Variants in SKAP1 observed in about 807,000 individuals in gnomAD.
SKAP1 encodes src kinase associated phosphoprotein 1.
A neutral mutation model predicts 58.5 loss-of-function variants in SKAP1; 44 were observed. The ratio of observed to expected loss-of-function variants is 0.75; its 90% CI spans 0.59 to 0.97. The LOEUF (loss-of-function observed/expected upper bound fraction) is 0.97, where lower values mean the gene tolerates loss of function less well. Among genes scored for constraint, SKAP1 ranks in the 50% least tolerant of loss-of-function variants. The pLI is 0.00. For missense variants in SKAP1, 390 were observed against 435.2 expected, an observed-to-expected ratio of 0.90 and a Z score of 0.92; for synonymous variants, 127 against 149.7, an observed-to-expected ratio of 0.85 and a Z score of 1.11.
At chr17:48,298,454 T>C (rs912288737) in intron 4 of SKAP1, among the ~76,000 whole-genome samples, 18 of 152,210 alleles carry the variant, frequency 1.2e-4, no homozygotes, top group African/African-American at 4.1e-4. Context: ...GAGTTTAGAA[T>C]AAGTTTCAGA....
intron 2 of SKAP1, 68 bp from the exon 3 acceptor site, chr17:48,363,882 C>G (rs1320480945): frequency 1.5e-6 from 2 of 1,366,274 alleles, no homozygotes; most frequent in Non-Finnish European, 1.0e-6. Flanking sequence ...GGTTGGCCTA[C>G]CATAGCTATA....
intron 4 of SKAP1, among the ~76,000 whole-genome samples, chr17:48,289,148 T>G (rs921179450): frequency 2.0e-5 from 3 of 152,144 alleles, no homozygotes; most frequent in Admixed American, 1.3e-4. Flanking sequence ...AGTAGGAATG[T>G]TTATCTATTC....
At chr17:48,290,646 G>GCC (rs67116967) in intron 4 of SKAP1, among the ~76,000 whole-genome samples, 1 of 151,746 alleles carries the variant, frequency 6.6e-6, no homozygotes, top group Non-Finnish European at 1.5e-5. Context: ...TTCATTTATT[G>GCC]CCCCCTGAGG....
At chr17:48,311,743 T>C (rs1051945818) in intron 4 of SKAP1, among the ~76,000 whole-genome samples, 3 of 152,200 alleles carry the variant, frequency 2.0e-5, no homozygotes, top group African/African-American at 7.2e-5. Context: ...GGCCTGGTTA[T>C]TCCAAAATAG....
intron 4 of SKAP1, among the ~76,000 whole-genome samples, chr17:48,290,627 T>C (rs2065887816): frequency 7.0e-6 from 1 of 143,824 alleles, no homozygotes; most frequent in South Asian, 2.1e-4. Context: ...TTACATTACA[T>C]CATGTCATTT....
At chr17:48,311,123 C>T (rs1395370370) in intron 4 of SKAP1, among the ~76,000 whole-genome samples, 1 of 152,092 alleles carries the variant, frequency 6.6e-6, no homozygotes, top group Non-Finnish European at 1.5e-5. Context: ...TGCATACAGG[C>T]GGAGTCTCAC....
At chr17:48,426,380 G>T (rs2067853704) in intron 1 of SKAP1, among the ~76,000 whole-genome samples, 1 of 152,156 alleles carries the variant, frequency 6.6e-6, no homozygotes, top group Non-Finnish European at 1.5e-5. Context: ...CAGCTACCAG[G>T]GTAATGTCAG....
intron 3 of SKAP1, among the ~76,000 whole-genome samples, chr17:48,348,253 G>A (rs1392765250): frequency 1.3e-5 from 2 of 150,736 alleles, no homozygotes; most frequent in Non-Finnish European, 3.0e-5. Context: ...GACATGGGGG[G>A]ATCGTTTGAG....
At chr17:48,211,987 G>A (rs1329865219) in intron 4 of SKAP1, among the ~76,000 whole-genome samples, 1 of 150,464 alleles carries the variant, frequency 6.6e-6, no homozygotes, top group African/African-American at 2.5e-5. Flanking sequence ...GTTAAATCAC[G>A]TGGTCAAATC....
chr17:48,189,941 A>G (rs1382808521), intron 4 of SKAP1, among the ~76,000 whole-genome samples: 4 of 151,572 alleles, frequency 2.6e-5, no homozygotes, highest in Admixed American at 2.0e-4. Context: ...GCCTCCCAAA[A>G]TGCTGGGATT....
chr17:48,166,574 G>A (rs1305852293), intron 10 of SKAP1, among the ~76,000 whole-genome samples: 1 of 152,178 alleles, frequency 6.6e-6, no homozygotes, highest in Admixed American at 6.5e-5. Flanking sequence ...CAGAATTCAG[G>A]CTGTGATCAG....
chr17:48,426,636 T>C (rs1230093916), intron 1 of SKAP1, among the ~76,000 whole-genome samples: 1 of 152,228 alleles, frequency 6.6e-6, no homozygotes, highest in Non-Finnish European at 1.5e-5. Context: ...TGAAGCCCCA[T>C]TATTTGAAAA....
At chr17:48,423,648 T>C (rs1042718688) in intron 1 of SKAP1, among the ~76,000 whole-genome samples, 1 of 152,206 alleles carries the variant, frequency 6.6e-6, no homozygotes, top group African/African-American at 2.4e-5. Context: ...CTAGTGACTA[T>C]TATGGTCAAC....
chr17:48,413,050 C>T (rs2067684518), intron 1 of SKAP1, among the ~76,000 whole-genome samples: 1 of 143,496 alleles, frequency 7.0e-6, no homozygotes. Flanking sequence ...GATGAATAAG[C>T]ATATAACCAA....
rs184420738 is a variant in SKAP1, at chr17:48,278,138, T to C, written c.280+67767A>G. 2.2e-4 allele frequency among the ~76,000 whole-genome samples: 34 copies of C among 152,354 alleles called. No homozygotes were observed. In the East Asian group the frequency reaches 5.8e-3, roughly 26 times the overall value. The stretch of plus-strand genomic sequence containing the variant: ...GTCACTGTCATTACAAAGCCTTCTT[T>C]GTGCTAACTTCTTTGTTCTCTCTTC... On this transcript the variant is annotated intron_variant, in intron 4 of 12. Coordinates refer to ENST00000336915, the MANE Select transcript of SKAP1 (RefSeq NM_003726.4).
intron 4 of SKAP1, among the ~76,000 whole-genome samples, chr17:48,255,779 G>A (rs866945094): frequency 2.0e-5 from 3 of 151,790 alleles, no homozygotes; most frequent in East Asian, 3.8e-4. Flanking sequence ...TTTTTCCTTC[G>A]AAGAGATCTG....
At chr17:48,298,788 T>C in intron 4 of SKAP1, among the ~76,000 whole-genome samples, 1 of 152,302 alleles carries the variant, frequency 6.6e-6, no homozygotes, top group East Asian at 1.9e-4. Context: ...TTAAATCTAA[T>C]TGAATTCACT....
intron 11 of SKAP1, among the ~76,000 whole-genome samples, chr17:48,154,874 C>A (rs980035626): frequency 6.6e-6 from 1 of 151,780 alleles, no homozygotes; most frequent in African/African-American, 2.4e-5. Flanking sequence ...GCCTGGCCAA[C>A]ATGGTGAAAC....
intron 2 of SKAP1, among the ~76,000 whole-genome samples, chr17:48,364,329 C>T (rs1014001049): frequency 6.6e-6 from 1 of 152,150 alleles, no homozygotes; most frequent in Non-Finnish European, 1.5e-5. Flanking sequence ...TCATAGCTCA[C>T]TGCAGCCTCG....
Sources: allele counts gnomAD v4.1 joint callset (sites outside exome capture counted in the v4.1 genomes callset), GRCh38; gene constraint gnomAD v4.1.1; transcripts MANE v1.5; gene names NCBI Gene and HGNC (gene_info 2026-07-23, HGNC 2026-07-21).